Variants in ANKRD27 observed in about 807,000 individuals in gnomAD.
The protein encoded by ANKRD27 is ankyrin repeat domain-containing protein 27.
A neutral mutation model predicts 129.7 loss-of-function variants in ANKRD27; 112 were observed. That is an observed-to-expected ratio of 0.86 (90% CI 0.74 to 1.01). ANKRD27 has a LOEUF of 1.01. Among genes scored for constraint, ANKRD27 ranks in the 50% least tolerant of loss-of-function variants. The pLI is 0.00. For missense variants in ANKRD27, 1,258 were observed against 1,300.5 expected, an observed-to-expected ratio of 0.97 and a Z score of 0.50; for synonymous variants, 516 against 511.2, an observed-to-expected ratio of 1.01 and a Z score of -0.13.
intron 25 of ANKRD27, among the ~76,000 whole-genome samples, chr19:32,603,934 C>T (rs575910169): frequency 2.0e-5 from 3 of 152,346 alleles, no homozygotes; most frequent in South Asian, 2.1e-4. Context: ...GACACCAGAA[C>T]ATCATGACTT....
At chr19:32,643,224 T>A (rs1967235434) in intron 8 of ANKRD27, 25 bp from the exon 9 acceptor site, 1 of 1,613,894 alleles carries the variant, frequency 6.2e-7, no homozygotes, top group Admixed American at 1.7e-5. Context: ...TAACGAACCT[T>A]CAAATTTCTC....
intron 22 of ANKRD27, among the ~76,000 whole-genome samples, chr19:32,615,173 G>A (rs1018853151): frequency 6.6e-6 from 1 of 152,236 alleles, no homozygotes; most frequent in Admixed American, 6.5e-5. Context: ...GCCACGCAGG[G>A]AGCTGGCACC....
intron 1 of ANKRD27, among the ~76,000 whole-genome samples, chr19:32,661,238 C>T (rs375779609): frequency 1.6e-5 from 2 of 125,226 alleles, no homozygotes; most frequent in South Asian, 3.3e-4. Flanking sequence ...CACACACACA[C>T]ACACACACAC....
intron 22 of ANKRD27, among the ~76,000 whole-genome samples, chr19:32,614,537 C>T (rs1457337792): frequency 1.3e-5 from 2 of 151,834 alleles, no homozygotes; most frequent in East Asian, 3.9e-4. Flanking sequence ...AACCCTGTCT[C>T]CACTAAAAAT....
intron 28 of ANKRD27, among the ~76,000 whole-genome samples, chr19:32,598,780 A>T (rs1392654434): frequency 6.6e-6 from 1 of 152,226 alleles, no homozygotes; most frequent in Non-Finnish European, 1.5e-5. Context: ...GCAACACCAC[A>T]TAAGACTAAA....
In ANKRD27 at chr19:32,659,042, TCTC is replaced by T; in HGVS notation, c.-30_-28del. On this transcript the variant is annotated splice_region_variant and 5_prime_UTR_variant, in exon 2 of 29. Coordinates refer to ENST00000306065, the MANE Select transcript of ANKRD27 (RefSeq NM_032139.3). ...TGGACTTCAGATGGGTCAGAGCAAATCTCCTGCAATAAGGGAGGGAAAAGCAGT... is the reference window on the plus strand; with the variant it reads ...TGGACTTCAGATGGGTCAGAGCAAATCTGCAATAAGGGAGGGAAAAGCAGT... 2.6e-6 allele frequency: 4 copies of T among 1,531,744 alleles called. No individual in the cohort carries two copies. The highest frequency in any genetic ancestry group is 3.6e-6 in the Non-Finnish European group (4 of 1,105,568). 94.9% of individuals were successfully genotyped at this position (1,531,744 alleles called of 1,614,324 possible). A position where few individuals can be genotyped will look rare whatever the true frequency, so the allele number is the denominator to read the frequency against.
chr19:32,649,019 T>C (rs1318659820), intron 3 of ANKRD27, among the ~76,000 whole-genome samples: 3 of 150,358 alleles, frequency 2.0e-5, no homozygotes, highest in South Asian at 2.1e-4. Flanking sequence ...CAGGCTACAG[T>C]GTGGTGACAC....
chr19:32,615,864 T>C, intron 21 of ANKRD27, 84 bp from the exon 22 acceptor site: 6 of 1,534,732 alleles, frequency 3.9e-6, no homozygotes, highest in Non-Finnish European at 5.3e-6. Flanking sequence ...CATCAACCGT[T>C]CCCAATCAGG....
At position 32,649,651 on chromosome 19, in the gene ANKRD27, G is replaced by A. The variant is rs1364730981; in HGVS notation, c.213+31C>T. ...CTCTGGCCCCAAACACCGAGTAGGT[G>A]ACCCTGGCTGATCCACCAAGAAATG... On this transcript the variant is annotated intron_variant, in intron 3 of 28. Coordinates refer to ENST00000306065, the MANE Select transcript of ANKRD27 (RefSeq NM_032139.3). 3 of 1,466,394 alleles carry A rather than the reference G, an allele frequency of 2.0e-6. No individual in the cohort carries two copies. In the South Asian group the frequency reaches 3.4e-5, roughly 17 times the overall value. The allele number at this position is 1,466,394 out of a possible 1,614,324, so 90.8% of individuals were successfully genotyped here.
At chr19:32,656,004 T>C (rs1362325526) in intron 2 of ANKRD27, among the ~76,000 whole-genome samples, 2 of 135,104 alleles carry the variant, frequency 1.5e-5, no homozygotes, top group Non-Finnish European at 3.1e-5. Flanking sequence ...GGCAACACAG[T>C]GAGACTCTGT....
At chr19:32,625,728 G>A (rs1475436834) in intron 17 of ANKRD27, 146 bp downstream of exon 17, 1 of 627,178 alleles carries the variant, frequency 1.6e-6, no homozygotes, top group East Asian at 3.6e-5. Context: ...CACCGTGCCT[G>A]GCCTAACATT....
At chr19:32,660,211 T>C (rs1967618160) in intron 1 of ANKRD27, among the ~76,000 whole-genome samples, 1 of 152,226 alleles carries the variant, frequency 6.6e-6, no homozygotes, top group Non-Finnish European at 1.5e-5. Context: ...TGGGGGTGAT[T>C]AGGTTACAAA....
At chr19:32,613,008 C>A (rs1971856371) in intron 22 of ANKRD27, among the ~76,000 whole-genome samples, 1 of 152,014 alleles carries the variant, frequency 6.6e-6, no homozygotes, top group African/African-American at 2.4e-5. Context: ...AAGCTACAGA[C>A]TGAAAGAAAA....
At position 32,626,779 on chromosome 19, in the gene ANKRD27, T is replaced by G; in HGVS notation, c.1469A>C (p.Asn490Thr). The change falls in exon 16 of 29, where the codon AAT becomes ACT. Residue 490 changes from asparagine to threonine, a missense_variant. Physicochemically the swap from Asn to Thr is moderately conservative, Grantham distance 65 (BLOSUM62 0). Coordinates refer to ENST00000306065, the MANE Select transcript of ANKRD27 (RefSeq NM_032139.3). ...DLLVSKGAMV[N>T]ATDYHGATPL... ...AGTGGCTCCATGGTAGTCTGTGGCA[T>G]TTACCATGGCGCCCTTGGAAACCAG... is the stretch of plus-strand genomic sequence containing the variant. The G allele has an allele frequency of 6.2e-7, 1 of 1,612,556 alleles. No homozygotes were observed. Among genetic ancestry groups the G allele is most frequent in the East Asian group, 2.2e-5 (1 of 44,780 alleles).
chr19:32,611,879 C>T (rs1180103979), intron 22 of ANKRD27, among the ~76,000 whole-genome samples: 2 of 152,158 alleles, frequency 1.3e-5, no homozygotes, highest in African/African-American at 4.8e-5. Context: ...TCGTGCCCGG[C>T]CAAATTCATT....
chr19:32,634,333 C>T (rs1967051042), intron 12 of ANKRD27, among the ~76,000 whole-genome samples: 1 of 152,220 alleles, frequency 6.6e-6, no homozygotes, highest in Non-Finnish European at 1.5e-5. Context: ...AGCCACGACG[C>T]CTGCTCCGTC....
At chr19:32,671,925 C>T (rs917327750) in intron 1 of ANKRD27, among the ~76,000 whole-genome samples, 1 of 152,156 alleles carries the variant, frequency 6.6e-6, no homozygotes, top group African/African-American at 2.4e-5. Flanking sequence ...ATTCTATGAA[C>T]AGGAGAGCCA....
At chr19:32,618,990 T>C (rs1251952309) in intron 20 of ANKRD27, among the ~76,000 whole-genome samples, 4 of 152,206 alleles carry the variant, frequency 2.6e-5, no homozygotes, top group African/African-American at 9.7e-5. Context: ...TCTTAGCCTA[T>C]CCTCTCTTTA....
rs7247420 is a variant in ANKRD27 at position 32,605,880 on chromosome 19, G to A, written c.2448C>T (p.Tyr816=). The change falls in exon 24 of 29, where the codon TAC becomes TAT. Residue 816 remains tyrosine (Y), a synonymous_variant. Coordinates refer to ENST00000306065, the MANE Select transcript of ANKRD27 (RefSeq NM_032139.3). ...KDLSGNTPLI[Y]ACSGGHHELV... ...GCTCGTGATGGCCACCGGAGCAGGCGTAAATGAGGGGCGTGTTTCCACTGA... is the reference window on the plus strand; with the variant it reads ...GCTCGTGATGGCCACCGGAGCAGGCATAAATGAGGGGCGTGTTTCCACTGA... The A allele has an allele frequency of 0.14, 224,553 of 1,613,382 alleles. 18,366 individuals carry two copies. Among genetic ancestry groups the A allele is most frequent in the African/African-American group, 0.33 (24,384 of 74,870 alleles).
Sources: gnomAD v4.1 joint callset for allele counts (sites outside exome capture counted in the v4.1 genomes callset) on GRCh38, gnomAD v4.1.1 for gene constraint, MANE v1.5 for transcripts, NCBI Gene and HGNC (gene_info 2026-07-23, HGNC 2026-07-21) for gene names.